ARHGAP21: variants seen among roughly 807,000 people sequenced by gnomAD.
ARHGAP21 encodes Rho GTPase activating protein 21.
In ARHGAP21, 38 loss-of-function variants were observed where a neutral mutation model predicts 164.6. The ratio of observed to expected loss-of-function variants is 0.23; its 90% CI spans 0.18 to 0.30. The LOEUF is 0.30. ARHGAP21 is among the 10% of genes least tolerant of loss of function. The pLI, the probability that ARHGAP21 is intolerant of heterozygous loss-of-function variation, is 1.00. For missense variants in ARHGAP21, 1,822 were observed against 2,370.7 expected (o/e 0.77, Z 4.81); for synonymous variants, 766 against 857.9 (o/e 0.89, Z 1.87).
At chr10:24,668,044 A>G (rs1481048335) in intron 3 of ARHGAP21, among the ~76,000 whole-genome samples, 2 of 152,198 alleles carry the variant, frequency 1.3e-5, no homozygotes, top group African/African-American at 4.8e-5. Context: ...TACAGTGTCA[A>G]TTTCTATGTT....
Position 24,597,592 on chromosome 10 carries a change from G to A in ARHGAP21, c.3198-9C>T, listed in dbSNP as rs748105152. On this transcript the variant is annotated splice_polypyrimidine_tract_variant and intron_variant, in intron 15 of 25. Coordinates refer to ENST00000396432, the MANE Select transcript of ARHGAP21 (RefSeq NM_020824.4). Reference sequence around the variant, plus strand: ...GCAACTGTTCTGCTTTGCTGTTGAAGGAAATGACATTTGTTAACAATTACA... The same window carrying A: ...GCAACTGTTCTGCTTTGCTGTTGAAAGAAATGACATTTGTTAACAATTACA... The A allele has an allele frequency of 3.1e-6, 5 of 1,613,394 alleles. No homozygotes were observed. The South Asian group carries it at 5.5e-5, about 18-fold the overall frequency.
At chr10:24,628,137 T>G (rs1835323727) in intron 7 of ARHGAP21, among the ~76,000 whole-genome samples, 1 of 152,214 alleles carries the variant, frequency 6.6e-6, no homozygotes, top group Non-Finnish European at 1.5e-5. Context: ...TAGCCATTGG[T>G]GTCTGTGGTT....
At chr10:24,680,029 A>G (rs1841621552) in intron 2 of ARHGAP21, among the ~76,000 whole-genome samples, 1 of 152,182 alleles carries the variant, frequency 6.6e-6, no homozygotes, top group African/African-American at 2.4e-5. Flanking sequence ...CTTAAAGTAT[A>G]ATAATTAAAA....
At chr10:24,612,354 G>A (rs2077300482) in intron 9 of ARHGAP21, among the ~76,000 whole-genome samples, 1 of 152,076 alleles carries the variant, frequency 6.6e-6, no homozygotes, top group Non-Finnish European at 1.5e-5. Context: ...GAAAGAAATG[G>A]CAACTAACCT....
intron 8 of ARHGAP21, 115 bp from the exon 9 acceptor site, chr10:24,621,484 T>A: frequency 1.1e-6 from 1 of 907,436 alleles, no homozygotes; most frequent in East Asian, 2.7e-5. Flanking sequence ...TGACATTCAC[T>A]ATAGCATGCA....
At chr10:24,641,135 T>C (rs1469375539) in intron 4 of ARHGAP21, among the ~76,000 whole-genome samples, 2 of 152,226 alleles carry the variant, frequency 1.3e-5, no homozygotes, top group Non-Finnish European at 2.9e-5. Context: ...TTCTAACTTT[T>C]ATTTTGGGAA....
At chr10:24,712,777 A>G (rs917206648) in intron 2 of ARHGAP21, among the ~76,000 whole-genome samples, 3 of 152,212 alleles carry the variant, frequency 2.0e-5, no homozygotes, top group Non-Finnish European at 4.4e-5. Context: ...AAGGATTAGA[A>G]TAACAATCTG....
At chr10:24,629,495 G>T (rs1432153976) in intron 7 of ARHGAP21, 1 of 152,976 alleles carries the variant, frequency 6.5e-6, no homozygotes, top group Non-Finnish European at 1.5e-5. Flanking sequence ...TTTTAGGAAC[G>T]AATTGATACT....
chr10:24,696,049 G>T (rs1371141339), intron 2 of ARHGAP21, among the ~76,000 whole-genome samples: 4 of 152,178 alleles, frequency 2.6e-5, no homozygotes, highest in Non-Finnish European at 4.4e-5. Flanking sequence ...ATAGATAACT[G>T]AACTGACACA....
At chr10:24,699,294 C>G (rs1843436343) in intron 2 of ARHGAP21, among the ~76,000 whole-genome samples, 2 of 151,920 alleles carry the variant, frequency 1.3e-5, no homozygotes, top group African/African-American at 4.8e-5. Flanking sequence ...ATTATTTACT[C>G]TAGATGTCTG....
chr10:24,586,990 T>G (rs1014130980), intron 25 of ARHGAP21, among the ~76,000 whole-genome samples: 32 of 152,088 alleles, frequency 2.1e-4, no homozygotes, highest in African/African-American at 7.7e-4. Context: ...GCAGTGAGCA[T>G]GAGGGTACCA....
intron 17 of ARHGAP21, chr10:24,596,259 C>A (rs575872359): frequency 4.3e-6 from 2 of 461,546 alleles, no homozygotes; most frequent in South Asian, 4.9e-5. Flanking sequence ...AAGAGAGGGA[C>A]CCCCAGAGAG....
At chr10:24,666,899 A>G (rs1480065296) in intron 4 of ARHGAP21, 86 bp downstream of exon 4, 10 of 980,806 alleles carry the variant, frequency 1.0e-5, no homozygotes, top group East Asian at 5.6e-5. Flanking sequence ...ACCAAAAATT[A>G]TATCATCTCA....
intron 2 of ARHGAP21, among the ~76,000 whole-genome samples, chr10:24,710,503 TCTACTATAAGTA>T (rs1481279817): frequency 6.6e-6 from 1 of 152,166 alleles, no homozygotes; most frequent in Non-Finnish European, 1.5e-5. Flanking sequence ...TCATTGCAAC[TCTACTATAAGTA>T]CTTGTTCAAT....
chr10:24,712,257 G>A (rs1238443746), intron 2 of ARHGAP21, among the ~76,000 whole-genome samples: 1 of 152,082 alleles, frequency 6.6e-6, no homozygotes, highest in Admixed American at 6.5e-5. Flanking sequence ...AGTGACATAT[G>A]ACCTTACAAG....
intron 2 of ARHGAP21, among the ~76,000 whole-genome samples, chr10:24,709,938 G>A (rs1471970743): frequency 6.6e-6 from 1 of 152,100 alleles, no homozygotes; most frequent in African/African-American, 2.4e-5. Flanking sequence ...CCCAACAAGT[G>A]ACATTCAAGC....
At chr10:24,700,112 T>A (rs754787096) in intron 2 of ARHGAP21, among the ~76,000 whole-genome samples, 2 of 152,200 alleles carry the variant, frequency 1.3e-5, no homozygotes, top group African/African-American at 2.4e-5. Flanking sequence ...CAATGGTTAA[T>A]AGGCCTCTGT....
intron 7 of ARHGAP21, among the ~76,000 whole-genome samples, chr10:24,627,397 G>A (rs1367581824): frequency 6.6e-6 from 1 of 152,186 alleles, no homozygotes; most frequent in East Asian, 1.9e-4. Context: ...TGGAATATAT[G>A]TTAGAGACAG....
chr10:24,621,110 G>C lies in ARHGAP21; in HGVS notation c.785C>G (p.Thr262Arg), dbSNP rs1255797442. 6.2e-7 allele frequency: 1 copy of C among 1,613,674 alleles called. No individual in the cohort carries two copies. The highest frequency in any genetic ancestry group is 8.5e-7 in the Non-Finnish European group (1 of 1,179,728). The change falls in exon 9 of 26, where the codon ACA (threonine) becomes AGA (arginine). Residue 262 changes from threonine to arginine, a missense_variant. By Grantham distance (71) the Thr-to-Arg change is moderately conservative (BLOSUM62 -1). Coordinates refer to ENST00000396432, the MANE Select transcript of ARHGAP21 (RefSeq NM_020824.4). Reference sequence around the variant, plus strand: ...ACTTTCATTGCAAACACACACTGCTGTGTTTGATTTTGCAACATCTGTTGG... The same window carrying C: ...ACTTTCATTGCAAACACACACTGCTCTGTTTGATTTTGCAACATCTGTTGG... ...PSPTDVAKSN[T>R]AVCVCNESVR...
Sources: allele counts gnomAD v4.1 joint callset (sites outside exome capture counted in the v4.1 genomes callset), GRCh38; gene constraint gnomAD v4.1.1; transcripts MANE v1.5; gene names NCBI Gene and HGNC (gene_info 2026-07-23, HGNC 2026-07-21).